ELMO1: variants seen among roughly 807,000 people sequenced by gnomAD.
The protein encoded by ELMO1 is engulfment and cell motility protein 1.
A neutral mutation model predicts 98.9 loss-of-function variants in ELMO1; 26 were observed. That is an observed-to-expected ratio of 0.26 (90% confidence interval 0.19 to 0.36). The LOEUF is 0.36. Among genes scored for constraint, ELMO1 ranks in the 10% least tolerant of loss-of-function variants. The pLI is 1.00. For synonymous variants in ELMO1, 346 were observed against 346.0 expected, an observed-to-expected ratio of 1.00 and a Z score of 0.00; for missense variants, 627 against 935.2, an observed-to-expected ratio of 0.67 and a Z score of 4.30.
chr7:37,169,311 G>A (rs564438658), intron 13 of ELMO1, among the ~76,000 whole-genome samples: 13 of 152,290 alleles, frequency 8.5e-5, no homozygotes, highest in East Asian at 7.7e-4. Flanking sequence ...GCAATGCCTC[G>A]CCCTGCTTCG....
At chr7:37,088,949 C>A (rs568990059) in intron 15 of ELMO1, among the ~76,000 whole-genome samples, 1 of 152,168 alleles carries the variant, frequency 6.6e-6, no homozygotes, top group Admixed American at 6.5e-5. Flanking sequence ...GAATCAAGAT[C>A]TGAGAGCATT....
At chr7:36,983,500 G>C (rs1562876314) in intron 16 of ELMO1, among the ~76,000 whole-genome samples, 1 of 152,148 alleles carries the variant, frequency 6.6e-6, no homozygotes, top group Non-Finnish European at 1.5e-5. Context: ...GCAGCAACAA[G>C]TACATCGACA....
intron 1 of ELMO1, among the ~76,000 whole-genome samples, chr7:37,430,960 G>A (rs188011202): frequency 8.1e-4 from 124 of 152,306 alleles, no homozygotes; most frequent in African/African-American, 2.8e-3. Context: ...ACCAAGCCTC[G>A]CAACAGGCAC....
Position 37,082,533 on chromosome 7 carries a change from G to A in ELMO1, c.1300+14086C>T, listed in dbSNP as rs138153597. ...AGCCTGGGTAACATGGTGAAACCCT[G>A]TCTCTACCAAAAAAAAATTGGTATA... On this transcript the variant is annotated intron_variant, in intron 15 of 21. Transcript: ENST00000310758. 3.0e-3 allele frequency among the ~76,000 whole-genome samples: 463 copies of A among 152,014 alleles called. 1 individual carries two copies. Among genetic ancestry groups the A allele is most frequent in the African/African-American group, 0.011 (449 of 41,466 alleles).
At chr7:36,897,924 G>A (rs376806929) in intron 16 of ELMO1, among the ~76,000 whole-genome samples, 2 of 152,192 alleles carry the variant, frequency 1.3e-5, no homozygotes, top group East Asian at 1.9e-4. Context: ...CCAGAGGAAG[G>A]GATATAAGCA....
intron 16 of ELMO1, among the ~76,000 whole-genome samples, chr7:36,910,670 G>A (rs1162520650): frequency 6.6e-6 from 1 of 152,188 alleles, no homozygotes; most frequent in East Asian, 1.9e-4. Flanking sequence ...AAATGAGAGT[G>A]TACAGTGCAG....
intron 16 of ELMO1, among the ~76,000 whole-genome samples, chr7:36,984,363 C>A (rs1791336063): frequency 6.6e-6 from 1 of 152,218 alleles, no homozygotes; most frequent in South Asian, 2.1e-4. Flanking sequence ...CCAGGTGTCC[C>A]TGATGCATTG....
chr7:37,196,456 T>C (rs1791968534), intron 13 of ELMO1, among the ~76,000 whole-genome samples: 1 of 152,184 alleles, frequency 6.6e-6, no homozygotes, highest in Admixed American at 6.5e-5. Flanking sequence ...CGATGCTCTG[T>C]GCATGTTCCC....
At position 36,896,312 on chromosome 7, in the gene ELMO1, C is replaced by T. The variant is rs117919672; in HGVS notation, c.1438-1295G>A. On this transcript the variant is annotated intron_variant, in intron 16 of 21. Transcript: ENST00000310758. ...GAATCCTAGGATCCCAAGCAACCCACGAAGATGGATTTGGCATAGATTTGA... is the reference window on the plus strand; with the variant it reads ...GAATCCTAGGATCCCAAGCAACCCATGAAGATGGATTTGGCATAGATTTGA... 3.6e-3 allele frequency among the ~76,000 whole-genome samples: 542 copies of T among 152,256 alleles called. 2 individuals carry two copies. Among genetic ancestry groups the T allele is most frequent in the Non-Finnish European group, 5.7e-3 (385 of 68,012 alleles).
chr7:37,121,193 C>T (rs542376655), intron 14 of ELMO1, among the ~76,000 whole-genome samples: 1 of 152,170 alleles, frequency 6.6e-6, no homozygotes, highest in Non-Finnish European at 1.5e-5. Context: ...AGCAGAAAAA[C>T]TGAAAATTCT....
chr7:37,427,144 T>C (rs1804744343), intron 1 of ELMO1, among the ~76,000 whole-genome samples: 1 of 152,190 alleles, frequency 6.6e-6, no homozygotes, highest in Admixed American at 6.5e-5. Context: ...GTTTCTAGGC[T>C]AAACATCTGA....
chr7:37,370,191 G>A (rs1446626811), intron 1 of ELMO1, among the ~76,000 whole-genome samples: 6 of 152,114 alleles, frequency 3.9e-5, no homozygotes, highest in African/African-American at 1.2e-4. Flanking sequence ...TTCACAATGC[G>A]GCTCTGCCCT....
intron 13 of ELMO1, among the ~76,000 whole-genome samples, chr7:37,179,027 T>C (rs1363890591): frequency 6.6e-6 from 1 of 152,194 alleles, no homozygotes; most frequent in Non-Finnish European, 1.5e-5. Flanking sequence ...TATTTGGTTT[T>C]GATAAATATA....
chr7:37,099,432 G>A (rs936744075), intron 14 of ELMO1, among the ~76,000 whole-genome samples: 4 of 152,152 alleles, frequency 2.6e-5, no homozygotes, highest in Admixed American at 6.5e-5. Flanking sequence ...CATGTCCATC[G>A]GAGACATTTT....
chr7:37,111,015 T>C (rs1785223158), intron 14 of ELMO1, among the ~76,000 whole-genome samples: 1 of 152,218 alleles, frequency 6.6e-6, no homozygotes, highest in Non-Finnish European at 1.5e-5. Flanking sequence ...TTCATTCTCC[T>C]ACCCCGTTTA....
chr7:37,144,759 A>G (rs530501060), intron 13 of ELMO1, among the ~76,000 whole-genome samples: 2 of 152,284 alleles, frequency 1.3e-5, no homozygotes, highest in African/African-American at 4.8e-5. Context: ...AACCAGCTGA[A>G]AATATTATGA....
intron 2 of ELMO1, among the ~76,000 whole-genome samples, chr7:37,334,458 A>G (rs1174861963): frequency 6.6e-6 from 1 of 152,134 alleles, no homozygotes; most frequent in Non-Finnish European, 1.5e-5. Flanking sequence ...ACAACAAGAA[A>G]AAAACCAAAA....
At chr7:37,297,906 C>T (rs1798126207) in intron 4 of ELMO1, among the ~76,000 whole-genome samples, 1 of 152,148 alleles carries the variant, frequency 6.6e-6, no homozygotes, top group Non-Finnish European at 1.5e-5. Flanking sequence ...ATTTTACACA[C>T]TTGTAAAACA....
intron 15 of ELMO1, among the ~76,000 whole-genome samples, chr7:37,022,265 G>T (rs1172687150): frequency 2.6e-5 from 4 of 152,070 alleles, no homozygotes; most frequent in African/African-American, 9.7e-5. Context: ...TTAAACTCAA[G>T]AACTTGTTTG....
Sources: gnomAD v4.1 joint callset for allele counts (sites outside exome capture counted in the v4.1 genomes callset) on GRCh38, gnomAD v4.1.1 for gene constraint, MANE v1.5 for transcripts, NCBI Gene and HGNC (gene_info 2026-07-23, HGNC 2026-07-21) for gene names.